The following NTAQ1 variants were observed in gnomAD, a reference collection of about 807,000 sequenced individuals.
NTAQ1 encodes N-terminal glutamine amidase 1.
Under a neutral mutation model 28.2 loss-of-function variants are expected in NTAQ1, and 21 were observed. The ratio of observed to expected loss-of-function variants is 0.74; its 90% CI spans 0.53 to 1.07. The LOEUF (loss-of-function observed/expected upper bound fraction) is 1.07, where lower values mean the gene tolerates loss of function less well. NTAQ1 is among the 50% of genes least tolerant of loss of function. The probability of loss-of-function intolerance (pLI) is 0.00; values close to 1 mark genes in which losing one functional copy is unlikely to be tolerated. For synonymous variants in NTAQ1, 105 were observed against 90.0 expected (o/e 1.17, Z -0.94); for missense variants, 264 against 256.6 (o/e 1.03, Z -0.20).
At chr8:123,426,697 A>C (rs1453880813) in intron 1 of NTAQ1, among the ~76,000 whole-genome samples, 1 of 151,734 alleles carries the variant, frequency 6.6e-6, no homozygotes, top group Non-Finnish European at 1.5e-5. Flanking sequence ...ACGGTGGCTC[A>C]CTCTGTAATC....
At chr8:123,453,063 G>A (rs1332953108), downstream of NTAQ1, among the ~76,000 whole-genome samples, 3 of 152,128 alleles carry the variant, frequency 2.0e-5, no homozygotes, top group African/African-American at 4.8e-5. Context: ...GAAATTGTGG[G>A]GCAAGATGTT....
intron 5 of NTAQ1, among the ~76,000 whole-genome samples, chr8:123,440,697 A>C (rs1207984739): frequency 9.2e-5 from 14 of 151,466 alleles, no homozygotes; most frequent in Admixed American, 8.6e-4. Flanking sequence ...ATGGGGTTTC[A>C]CCATGTTGGC....
downstream of NTAQ1, among the ~76,000 whole-genome samples, chr8:123,445,087 T>C (rs1815219506): frequency 6.6e-6 from 1 of 152,200 alleles, no homozygotes; most frequent in Non-Finnish European, 1.5e-5. Context: ...CCATGTACAT[T>C]GTACCAATTC....
chr8:123,462,680 T>A (rs1173726283), intron 6 of NTAQ1, among the ~76,000 whole-genome samples: 1 of 152,072 alleles, frequency 6.6e-6, no homozygotes. Context: ...CTCAAAGAGG[T>A]CCCCCAGCTA....
intron 1 of NTAQ1, among the ~76,000 whole-genome samples, chr8:123,425,178 G>A (rs1349795692): frequency 3.3e-5 from 5 of 151,814 alleles, no homozygotes; most frequent in African/African-American, 9.7e-5. Flanking sequence ...TGCAACCTCC[G>A]CCTCCTGGTT....
downstream of NTAQ1, among the ~76,000 whole-genome samples, chr8:123,443,772 C>T (rs577475580): frequency 6.6e-6 from 1 of 152,240 alleles, no homozygotes; most frequent in East Asian, 1.9e-4. Context: ...GGGGTTTTGC[C>T]ACATTGCTCA....
chr8:123,417,060 T>G, intron 1 of NTAQ1, 128 bp downstream of exon 1: 2 of 946,918 alleles, frequency 2.1e-6, no homozygotes, highest in Non-Finnish European at 2.9e-6. Context: ...TCTACAGTTT[T>G]GCGGGAGGAG....
intron 6 of NTAQ1, among the ~76,000 whole-genome samples, chr8:123,461,894 GCTAGAGTGT>G (rs1291717519): frequency 6.6e-6 from 1 of 152,170 alleles, no homozygotes; most frequent in Non-Finnish European, 1.5e-5. Flanking sequence ...GGAGGCTATG[GCTAGAGTGT>G]CACAGGCAAA....
At chr8:123,449,949 G>GCA (rs1563901994), downstream of NTAQ1, among the ~76,000 whole-genome samples, 6 of 8,220 alleles carry the variant, frequency 7.3e-4, no homozygotes, top group Admixed American at 1.5e-3. Flanking sequence ...GTGTGTGTGT[G>GCA]CATATATATA....
chr8:123,416,731 C>T (rs112754744), upstream of NTAQ1: 730 of 998,866 alleles, frequency 7.3e-4, 5 homozygotes, highest in African/African-American at 0.011. Flanking sequence ...CGGCCCTCTC[C>T]CCCCGGGCTC....
rs115184382 is a variant in NTAQ1, at chr8:123,431,574, C to T, written c.234+1541C>T. 2.2e-3 allele frequency among the ~76,000 whole-genome samples: 339 copies of T among 152,304 alleles called. 3 individuals carry two copies. The highest frequency in any genetic ancestry group is 7.7e-3 in the African/African-American group (322 of 41,560). Reference sequence around the variant, plus strand: ...CTCACAGAGCTGACGTTCTCAGTTTCGTTGCCAGCAGGTGATCTTGCATGA... The same window carrying T: ...CTCACAGAGCTGACGTTCTCAGTTTTGTTGCCAGCAGGTGATCTTGCATGA... On this transcript the variant is annotated intron_variant, in intron 3 of 5. Transcript: ENST00000287387.
intron 2 of NTAQ1, among the ~76,000 whole-genome samples, chr8:123,429,467 G>A (rs933619879): frequency 1.3e-5 from 2 of 152,112 alleles, no homozygotes; most frequent in Non-Finnish European, 2.9e-5. Context: ...TACTTGTGAG[G>A]CGGCTGAGGC....
At chr8:123,425,540 A>G (rs1225942371) in intron 1 of NTAQ1, among the ~76,000 whole-genome samples, 1 of 151,976 alleles carries the variant, frequency 6.6e-6, no homozygotes, top group Non-Finnish European at 1.5e-5. Flanking sequence ...GAGAAAAGGA[A>G]AACCATGGGA....
intron 3 of NTAQ1, 86 bp downstream of exon 3, chr8:123,430,119 C>A: frequency 1.0e-6 from 1 of 984,062 alleles, no homozygotes; most frequent in Non-Finnish European, 1.5e-6. Flanking sequence ...CAGAAGTGAC[C>A]TAAGCAGTAG....
At chr8:123,433,015 A>G (rs1814491944) in intron 3 of NTAQ1, among the ~76,000 whole-genome samples, 1 of 152,174 alleles carries the variant, frequency 6.6e-6, no homozygotes, top group African/African-American at 2.4e-5. Context: ...GTTAAAAGAA[A>G]ACATGCCTAT....
intron 6 of NTAQ1, among the ~76,000 whole-genome samples, chr8:123,462,661 A>C (rs1343335301): frequency 6.6e-6 from 1 of 152,206 alleles, no homozygotes; most frequent in African/African-American, 2.4e-5. Flanking sequence ...ACAGATTACG[A>C]AGCGGACACT....
intron 6 of NTAQ1, among the ~76,000 whole-genome samples, chr8:123,458,604 A>G (rs1334143429): frequency 1.2e-4 from 18 of 151,780 alleles, no homozygotes; most frequent in Admixed American, 1.2e-3. Context: ...GTGAGACAGG[A>G]AAAATAGTTG....
At chr8:123,419,215 C>T (rs1044019604) in intron 1 of NTAQ1, among the ~76,000 whole-genome samples, 1 of 151,620 alleles carries the variant, frequency 6.6e-6, no homozygotes, top group Non-Finnish European at 1.5e-5. Context: ...TCTTCTGCCT[C>T]AGCCTCCTGA....
chr8:123,425,914 C>T (rs575008068), intron 1 of NTAQ1, among the ~76,000 whole-genome samples: 1 of 152,244 alleles, frequency 6.6e-6, no homozygotes, highest in East Asian at 1.9e-4. Flanking sequence ...GTCCCAGCTA[C>T]TTGGGAGGCT....
Sources: allele counts gnomAD v4.1 joint callset (sites outside exome capture counted in the v4.1 genomes callset), GRCh38; gene constraint gnomAD v4.1.1; transcripts MANE v1.5; gene names NCBI Gene and HGNC (gene_info 2026-07-23, HGNC 2026-07-21).